Variants in ERLIN1 observed in about 807,000 individuals in gnomAD.
ERLIN1 encodes the protein ER lipid raft associated 1.
In ERLIN1, 24 loss-of-function variants were observed where a neutral mutation model predicts 46.9. The ratio of observed to expected loss-of-function variants is 0.51; its 90% CI spans 0.37 to 0.72. The LOEUF (loss-of-function observed/expected upper bound fraction) is 0.72. Ranked by LOEUF, ERLIN1 falls within the 30% of genes least tolerant of loss-of-function variation. The pLI, the probability that ERLIN1 is intolerant of heterozygous loss-of-function variation, is 0.00. For synonymous variants in ERLIN1, 158 were observed against 143.2 expected (o/e 1.10, Z -0.74); for missense variants, 293 against 417.9 (o/e 0.70, Z 2.61).
At chr10:100,180,755 C>G (rs981273182) in intron 2 of ERLIN1, among the ~76,000 whole-genome samples, 1 of 152,188 alleles carries the variant, frequency 6.6e-6, no homozygotes, top group Admixed American at 6.5e-5. Flanking sequence ...ACCTTATATA[C>G]AGTCACAAAA....
chr10:100,152,816 A>G (rs556236600), intron 10 of ERLIN1, among the ~76,000 whole-genome samples: 1 of 152,208 alleles, frequency 6.6e-6, no homozygotes, highest in South Asian at 2.1e-4. Context: ...TTGGCCTCCC[A>G]AAGTGTCGGA....
chr10:100,170,987 C>T (rs1384678199), intron 6 of ERLIN1, among the ~76,000 whole-genome samples: 2 of 152,188 alleles, frequency 1.3e-5, no homozygotes, highest in Non-Finnish European at 2.9e-5. Flanking sequence ...ACCGCTGTTA[C>T]CCAATTTGGG....
At chr10:100,179,795 T>C (rs1244560898) in intron 2 of ERLIN1, among the ~76,000 whole-genome samples, 1 of 152,146 alleles carries the variant, frequency 6.6e-6, no homozygotes, top group Non-Finnish European at 1.5e-5. Context: ...TGGGAAAGGT[T>C]CAATGTTCAG....
chr10:100,162,904 T>C (rs565765848), intron 8 of ERLIN1, among the ~76,000 whole-genome samples: 40 of 152,282 alleles, frequency 2.6e-4, no homozygotes, highest in Admixed American at 7.2e-4. Flanking sequence ...AACCTGCACA[T>C]GTACACTGTA....
In ERLIN1 at chr10:100,181,957, T is replaced by A. The variant is rs186527198; in HGVS notation, c.195+1799A>T. Among the ~76,000 whole-genome samples the A allele has an allele frequency of 4.0e-3, 611 of 152,300 alleles. 7 individuals carry two copies. Among genetic ancestry groups the A allele is most frequent in the African/African-American group, 0.014 (567 of 41,566 alleles). Reference sequence around the variant, plus strand: ...TTTTGTAGATGCGAAGTATTTTAGTTTACACTGAAGTCTCTGTACTAATTT... The same window carrying A: ...TTTTGTAGATGCGAAGTATTTTAGTATACACTGAAGTCTCTGTACTAATTT... On this transcript the variant is annotated intron_variant, in intron 2 of 10. Transcript: ENST00000421367.
intron 6 of ERLIN1, among the ~76,000 whole-genome samples, chr10:100,168,615 C>G (rs560352878): frequency 7.2e-5 from 11 of 151,896 alleles, no homozygotes; most frequent in African/African-American, 2.4e-4. Flanking sequence ...CACTGTCATA[C>G]TGCATTTAAT....
At chr10:100,168,027 A>G (rs751001851) in intron 6 of ERLIN1, among the ~76,000 whole-genome samples, 1 of 152,248 alleles carries the variant, frequency 6.6e-6, no homozygotes, top group Non-Finnish European at 1.5e-5. Flanking sequence ...GAGGCTGTTT[A>G]CCAGACACTT....
intron 10 of ERLIN1, among the ~76,000 whole-genome samples, 162 bp downstream of exon 10, chr10:100,154,698 A>T (rs1256439009): frequency 6.6e-6 from 1 of 152,194 alleles, no homozygotes; most frequent in Non-Finnish European, 1.5e-5. Flanking sequence ...CTACCCAATC[A>T]ATGTGAAATA....
chr10:100,183,767 T>G lies in ERLIN1; in HGVS notation c.184A>C (p.Arg62=). 6.2e-7 allele frequency: 1 copy of G among 1,612,514 alleles called. No individual in the cohort carries two copies. The highest frequency in any genetic ancestry group is 8.5e-7 in the Non-Finnish European group (1 of 1,178,598). Residue 62 remains arginine (R), a synonymous_variant, in exon 2 of 11, where the codon AGA becomes CGA. Coordinates refer to ENST00000421367, the MANE Select transcript of ERLIN1 (RefSeq NM_006459.4). The part of the protein sequence containing the change: ...HIMLPFITTF[R]SVQTTLQTDE... ...TAGGAATCACTCACCTGCACAGATC[T>G]GAACGTAGTAATGAAAGGCAACATG...
chr10:100,157,782 G>A (rs563591266), intron 8 of ERLIN1, among the ~76,000 whole-genome samples: 1 of 152,262 alleles, frequency 6.6e-6, no homozygotes, highest in South Asian at 2.1e-4. Flanking sequence ...GAACCCAAAG[G>A]ATGTTACCTC....
chr10:100,166,537 G>A (rs758334113), intron 7 of ERLIN1, among the ~76,000 whole-genome samples: 4 of 152,116 alleles, frequency 2.6e-5, no homozygotes, highest in African/African-American at 4.8e-5. Context: ...AATCTGCATG[G>A]TAACAAAAAG....
At position 100,176,089 on chromosome 10, in the gene ERLIN1, C is replaced by A. The variant is rs758547136; in HGVS notation, c.305-19G>T. On this transcript the variant is annotated intron_variant, in intron 4 of 10. Coordinates refer to ENST00000421367, the MANE Select transcript of ERLIN1 (RefSeq NM_006459.4). ...TCAAACACTGAAGGAGAGGTACAACCCATGTTTGTTTTACCCAACAATGAC... is the reference window on the plus strand; with the variant it reads ...TCAAACACTGAAGGAGAGGTACAACACATGTTTGTTTTACCCAACAATGAC... 5 of 1,600,428 alleles carry A rather than the reference C, an allele frequency of 3.1e-6. No homozygotes were observed. The African/African-American group carries it at 5.4e-5, about 17-fold the overall frequency.
intron 7 of ERLIN1, among the ~76,000 whole-genome samples, chr10:100,165,034 G>A (rs1035365493): frequency 4.6e-5 from 7 of 152,272 alleles, no homozygotes; most frequent in Admixed American, 3.3e-4. Flanking sequence ...TTTCGGATAA[G>A]GGGTACTAAA....
chr10:100,161,204 A>C (rs1439334551), intron 8 of ERLIN1, among the ~76,000 whole-genome samples: 1 of 152,174 alleles, frequency 6.6e-6, no homozygotes, highest in East Asian at 1.9e-4. Context: ...ATAAGGACCT[A>C]TTGTCTGAAG....
chr10:100,163,040 G>A (rs1223979684), intron 8 of ERLIN1, among the ~76,000 whole-genome samples: 1 of 152,092 alleles, frequency 6.6e-6, no homozygotes, highest in African/African-American at 2.4e-5. Context: ...AACGAAAAAT[G>A]TAGCAGCTAA....
chr10:100,184,105 G>A (rs936399914), intron 1 of ERLIN1, among the ~76,000 whole-genome samples: 2 of 152,112 alleles, frequency 1.3e-5, no homozygotes, highest in Admixed American at 6.5e-5. Context: ...AAGGTTCAAA[G>A]GATTCTCCTC....
chr10:100,180,107 G>C (rs1019324520), intron 2 of ERLIN1, among the ~76,000 whole-genome samples: 2 of 152,134 alleles, frequency 1.3e-5, no homozygotes, highest in African/African-American at 4.8e-5. Context: ...CTTTTTAATA[G>C]AAGTGCTACC....
intron 1 of ERLIN1, 47 bp from the exon 2 acceptor site, chr10:100,183,884 A>G: frequency 7.6e-7 from 1 of 1,318,984 alleles, no homozygotes; most frequent in Admixed American, 1.7e-5. Context: ...AAGAAAAATT[A>G]TCTTTCCAAA....
At chr10:100,163,674 T>C (rs1345795634) in intron 8 of ERLIN1, among the ~76,000 whole-genome samples, 3 of 152,174 alleles carry the variant, frequency 2.0e-5, no homozygotes, top group East Asian at 3.9e-4. Flanking sequence ...TCTGAAACTT[T>C]GGTCAAAAAA....
Sources: allele counts gnomAD v4.1 joint callset (sites outside exome capture counted in the v4.1 genomes callset), GRCh38; gene constraint gnomAD v4.1.1; transcripts MANE v1.5; gene names NCBI Gene and HGNC (gene_info 2026-07-23, HGNC 2026-07-21).